LRFN5: variants seen among roughly 807,000 people sequenced by gnomAD.
LRFN5 encodes leucine rich repeat and fibronectin type III domain containing 5.
Under a neutral mutation model 45.6 loss-of-function variants are expected in LRFN5, and 24 were observed. The observed-to-expected ratio is 0.53, with a 90% CI of 0.38 to 0.74. The LOEUF (loss-of-function observed/expected upper bound fraction) is 0.74, where lower values mean the gene tolerates loss of function less well. Among genes scored for constraint, LRFN5 ranks in the 30% least tolerant of loss-of-function variants. The pLI, the probability that LRFN5 is intolerant of heterozygous loss-of-function variation, is 0.00. For missense variants in LRFN5, 776 were observed against 861.5 expected, an observed-to-expected ratio of 0.90 and a Z score of 1.24; for synonymous variants, 340 against 313.8, an observed-to-expected ratio of 1.08 and a Z score of -0.88.
At chr14:41,755,410 G>T (rs1430934987) in intron 1 of LRFN5, among the ~76,000 whole-genome samples, 2 of 152,170 alleles carry the variant, frequency 1.3e-5, no homozygotes, top group Non-Finnish European at 2.9e-5. Flanking sequence ...AAGTCTCTTT[G>T]TAGGTCTCTA....
chr14:41,678,993 T>A (rs568033901), intron 1 of LRFN5, among the ~76,000 whole-genome samples: 1 of 152,250 alleles, frequency 6.6e-6, no homozygotes, highest in African/African-American at 2.4e-5. Flanking sequence ...TCAGTGCTTC[T>A]CCGTCACAGC....
intron 1 of LRFN5, among the ~76,000 whole-genome samples, chr14:41,750,190 C>T (rs953941806): frequency 6.6e-6 from 1 of 150,642 alleles, no homozygotes; most frequent in Non-Finnish European, 1.5e-5. Context: ...TTGTTTACAT[C>T]CTGTATAATG....
intron 1 of LRFN5, among the ~76,000 whole-genome samples, chr14:41,727,412 T>C (rs1298536969): frequency 6.6e-6 from 1 of 151,772 alleles, no homozygotes; most frequent in Non-Finnish European, 1.5e-5. Context: ...GAGACCAGCC[T>C]GGGCAGCAAA....
intron 2 of LRFN5, among the ~76,000 whole-genome samples, chr14:41,870,337 CTG>C: frequency 6.6e-6 from 1 of 152,206 alleles, no homozygotes; most frequent in East Asian, 1.9e-4. Flanking sequence ...CTCAAAATAA[CTG>C]TATTAATCTG....
chr14:41,794,211 A>T (rs188285981), intron 2 of LRFN5, among the ~76,000 whole-genome samples: 2 of 152,162 alleles, frequency 1.3e-5, no homozygotes, highest in African/African-American at 4.8e-5. Flanking sequence ...TATGTCATCC[A>T]TACCCCCATT....
At chr14:41,623,988 A>G (rs1888231786) in intron 1 of LRFN5, among the ~76,000 whole-genome samples, 1 of 152,108 alleles carries the variant, frequency 6.6e-6, no homozygotes, top group South Asian at 2.1e-4. Flanking sequence ...CCTGTTTCCT[A>G]TAGTGTAATG....
At chr14:41,888,137 G>T in intron 3 of LRFN5, 127 bp downstream of exon 3, 2 of 711,874 alleles carry the variant, frequency 2.8e-6, no homozygotes, top group Admixed American at 3.3e-5. Context: ...AAAGTGCATA[G>T]TGTAAGCTTT....
chr14:41,879,205 C>A (rs778089958), intron 2 of LRFN5, among the ~76,000 whole-genome samples: 7 of 151,926 alleles, frequency 4.6e-5, no homozygotes, highest in Non-Finnish European at 8.8e-5. Context: ...AATAGGGTCA[C>A]CTCTTTGAAC....
Position 41,755,862 on chromosome 14 carries a change from G to A in LRFN5, c.-196-10992G>A, listed in dbSNP as rs796416119. On this transcript the variant is annotated intron_variant, in intron 1 of 5. Transcript: ENST00000298119. ...GTTGATGCAGTTTCTTCTTAGCCTC[G>A]ATGGTCTTTACAATTTGGCATGATT... Among the ~76,000 whole-genome samples, 8 of 152,222 alleles carry A rather than the reference G, an allele frequency of 5.3e-5. No individual in the cohort carries two copies. The East Asian group carries it at 9.7e-4, about 18-fold the overall frequency.
chr14:41,735,427 C>T (rs965253291), intron 1 of LRFN5, among the ~76,000 whole-genome samples: 2 of 151,858 alleles, frequency 1.3e-5, no homozygotes, highest in Admixed American at 1.3e-4. Flanking sequence ...ACAACCATAC[C>T]CCGCTAATCT....
At chr14:41,761,302 G>T (rs1041740524) in intron 1 of LRFN5, among the ~76,000 whole-genome samples, 9 of 151,050 alleles carry the variant, frequency 6.0e-5, no homozygotes, top group African/African-American at 2.2e-4. Context: ...AAAGGAGAGA[G>T]GGAGGGAAGG....
At chr14:41,654,234 G>T (rs1352129117) in intron 1 of LRFN5, among the ~76,000 whole-genome samples, 1 of 151,906 alleles carries the variant, frequency 6.6e-6, no homozygotes, top group Non-Finnish European at 1.5e-5. Context: ...CCAGTTCCTG[G>T]GAGATATTCT....
At chr14:41,869,939 T>C (rs532207580) in intron 2 of LRFN5, among the ~76,000 whole-genome samples, 2 of 152,238 alleles carry the variant, frequency 1.3e-5, no homozygotes, top group African/African-American at 4.8e-5. Context: ...ATGGTGCACA[T>C]TTTACTTTTA....
At chr14:41,852,646 A>G (rs974698653) in intron 2 of LRFN5, among the ~76,000 whole-genome samples, 3 of 151,834 alleles carry the variant, frequency 2.0e-5, no homozygotes, top group Non-Finnish European at 4.4e-5. Context: ...GAAAGCCAGC[A>G]TTTCAGCTTT....
At chr14:41,632,735 A>G (rs752829745) in intron 1 of LRFN5, among the ~76,000 whole-genome samples, 4 of 152,208 alleles carry the variant, frequency 2.6e-5, no homozygotes, top group Non-Finnish European at 5.9e-5. Flanking sequence ...GAACAGGAAA[A>G]AAAGGCAAGG....
chr14:41,666,797 AAG>A (rs1880920517), intron 1 of LRFN5, among the ~76,000 whole-genome samples: 1 of 152,128 alleles, frequency 6.6e-6, no homozygotes. Flanking sequence ...AGTGACAGAA[AAG>A]AGAGATGAGA....
intron 1 of LRFN5, among the ~76,000 whole-genome samples, chr14:41,739,779 G>GA (rs150088238): frequency 6.6e-6 from 1 of 151,434 alleles, no homozygotes; most frequent in Non-Finnish European, 1.5e-5. Context: ...GTAAAATTGG[G>GA]GTTTTTTCAA....
At chr14:41,624,282 T>A (rs1157970341) in intron 1 of LRFN5, among the ~76,000 whole-genome samples, 1 of 152,134 alleles carries the variant, frequency 6.6e-6, no homozygotes, top group Non-Finnish European at 1.5e-5. Context: ...AATGACTGGT[T>A]AATTTTCCTA....
intron 1 of LRFN5, among the ~76,000 whole-genome samples, chr14:41,715,072 A>G (rs1003387198): frequency 3.3e-5 from 5 of 152,176 alleles, no homozygotes; most frequent in African/African-American, 1.2e-4. Context: ...CAAGATCCTT[A>G]TATCCAAGAG....
Sources: allele counts gnomAD v4.1 joint callset (sites outside exome capture counted in the v4.1 genomes callset), GRCh38; gene constraint gnomAD v4.1.1; transcripts MANE v1.5; gene names NCBI Gene and HGNC (gene_info 2026-07-23, HGNC 2026-07-21).